PNPLA1: variants seen among roughly 807,000 people sequenced by gnomAD.
PNPLA1 encodes the protein patatin like domain 1, omega-hydroxyceramide transacylase, also known as omega-hydroxyceramide transacylase.
A neutral mutation model predicts 51.7 loss-of-function variants in PNPLA1; 36 were observed. The ratio of observed to expected loss-of-function variants is 0.70; its 90% confidence interval spans 0.53 to 0.92. The LOEUF (loss-of-function observed/expected upper bound fraction) is 0.92. Among genes scored for constraint, PNPLA1 ranks in the 40% least tolerant of loss-of-function variants. PNPLA1 has a pLI of 0.00. For synonymous variants in PNPLA1, 293 were observed against 280.1 expected (o/e 1.05, Z -0.46); for missense variants, 658 against 682.5 (o/e 0.96, Z 0.40).
At chr6:36,268,276 C>T (rs1204584127), upstream of PNPLA1, among the ~76,000 whole-genome samples, 2 of 152,138 alleles carry the variant, frequency 1.3e-5, no homozygotes, top group Admixed American at 6.5e-5. Flanking sequence ...ACAGACGTGC[C>T]GTGTGCCAGG....
intron 6 of PNPLA1, among the ~76,000 whole-genome samples, chr6:36,303,455 C>T (rs1288212331): frequency 6.6e-6 from 1 of 152,146 alleles, no homozygotes; most frequent in Non-Finnish European, 1.5e-5. Flanking sequence ...CACTATAGGG[C>T]CTGCAAAGAT....
At chr6:36,248,991 G>A (rs185942207) in intron 1 of PNPLA1, among the ~76,000 whole-genome samples, 20 of 152,364 alleles carry the variant, frequency 1.3e-4, no homozygotes, top group Admixed American at 1.3e-3. Context: ...GAGGCCAGGG[G>A]AGAGGTAACT....
rs888288077 is a variant in PNPLA1, at chr6:36,289,821, G to A, written c.206-1499G>A. ...CTGAAGCTTTTCTTACTCACCTCCA[G>A]GACTGGGGTGGAATAATCGGTAAAC... is the stretch of plus-strand genomic sequence containing the variant. On this transcript the variant is annotated intron_variant, in intron 1 of 8. Coordinates refer to ENST00000636260, the MANE Select transcript of PNPLA1 (RefSeq NM_001374623.1). Among the ~76,000 whole-genome samples, 5 of 152,166 alleles carry A rather than the reference G, an allele frequency of 3.3e-5. No homozygotes were observed. The South Asian group carries it at 1.0e-3, about 32-fold the overall frequency.
chr6:36,247,561 G>A (rs72848525), intron 1 of PNPLA1, among the ~76,000 whole-genome samples: 2,646 of 152,296 alleles, frequency 0.017, 30 homozygotes, highest in Non-Finnish European at 0.027. Context: ...GTGTATAGTC[G>A]ATGAATGAAT....
At chr6:36,244,150 T>C (rs1311416346) in intron 1 of PNPLA1, among the ~76,000 whole-genome samples, 1 of 151,970 alleles carries the variant, frequency 6.6e-6, no homozygotes, top group Non-Finnish European at 1.5e-5. Context: ...TCCTCCTCCT[T>C]CCTCTCTCTC....
In PNPLA1 at chr6:36,300,178, T is replaced by TGTGTGTGAGAGA; in HGVS notation, c.776-1682_776-1681insTGTGTGAGAGAG. 1.2e-3 allele frequency among the ~76,000 whole-genome samples: 121 copies of TGTGTGTGAGAGA among 98,070 alleles called. 1 individual carries two copies. The highest frequency in any genetic ancestry group is 2.8e-3 in the African/African-American group (85 of 30,108). 64.3% of individuals were successfully genotyped at this position (98,070 alleles called of 152,430 possible). A position where few individuals can be genotyped will look rare whatever the true frequency, so the allele number is the denominator to read the frequency against. On this transcript the variant is annotated intron_variant, in intron 5 of 8. Coordinates refer to ENST00000636260, the MANE Select transcript of PNPLA1 (RefSeq NM_001374623.1). ...TCTTATTCTTGTGTGTGTGTGTGTG[T>TGTGTGTGAGAGA]GAGAGAGAGAGAGAGAGAGAGAGAG...
intron 1 of PNPLA1, 63 bp downstream of exon 1, chr6:36,270,727 G>T (rs903272093): frequency 4.1e-5 from 63 of 1,521,348 alleles, no homozygotes; most frequent in Non-Finnish European, 5.1e-5. Context: ...GACAGAAGGA[G>T]CGTGAGGGAG....
In PNPLA1 at chr6:36,306,394, G is replaced by C; in HGVS notation, c.1469+18G>C. ...TATGTAACGTAAGTTTCCCCTTCGT[G>C]GAGCACGCTCTTTCCTTTGGACGGA... On this transcript the variant is annotated intron_variant, in intron 7 of 8. Coordinates refer to ENST00000636260, the MANE Select transcript of PNPLA1 (RefSeq NM_001374623.1). 1 of 1,596,796 alleles carries C rather than the reference G, an allele frequency of 6.3e-7. No individual in the cohort carries two copies. Among genetic ancestry groups the C allele is most frequent in the Non-Finnish European group, 8.6e-7 (1 of 1,169,490 alleles).
intron 2 of PNPLA1, 130 bp downstream of exon 2, chr6:36,291,682 C>A: frequency 1.3e-6 from 1 of 775,808 alleles, no homozygotes; most frequent in Non-Finnish European, 2.1e-6. Context: ...TTCCTTCATG[C>A]CCCCAGAGTC....
intron 1 of PNPLA1, among the ~76,000 whole-genome samples, chr6:36,287,105 C>G (rs145713140): frequency 6.6e-6 from 1 of 152,304 alleles, no homozygotes; most frequent in Admixed American, 6.5e-5. Context: ...CTGGGATGAT[C>G]TCGCCTTCAA....
chr6:36,268,215 C>T (rs112032443), upstream of PNPLA1, among the ~76,000 whole-genome samples: 14 of 152,318 alleles, frequency 9.2e-5, no homozygotes, highest in African/African-American at 3.4e-4. Context: ...CACCTTATCT[C>T]TGGGGTCTAT....
At chr6:36,305,508 T>C (rs928300184) in intron 6 of PNPLA1, among the ~76,000 whole-genome samples, 1 of 152,152 alleles carries the variant, frequency 6.6e-6, no homozygotes, top group African/African-American at 2.4e-5. Flanking sequence ...CCTTTATTTA[T>C]ATATAATACA....
At chr6:36,247,895 A>G (rs1254037243) in intron 1 of PNPLA1, among the ~76,000 whole-genome samples, 1 of 152,168 alleles carries the variant, frequency 6.6e-6, no homozygotes, top group Admixed American at 6.5e-5. Context: ...GATGGCTGTG[A>G]TTATCTGGGA....
intron 8 of PNPLA1, chr6:36,308,105 G>A (rs959190825): frequency 1.9e-5 from 3 of 155,566 alleles, no homozygotes; most frequent in Admixed American, 6.5e-5. Flanking sequence ...GGCCAGGCAT[G>A]GTGGCTCATG....
At position 36,247,004 on chromosome 6, in the gene PNPLA1, G is replaced by T. The variant is rs559458356; in HGVS notation, c.-81+3743G>T. ...TTTAGGATTTTAGCTCCCATCTCGC[G>T]TCCTCTCTCCAGCTCCTCCTGCCCC... On this transcript the variant is annotated intron_variant, in intron 1 of 7. Transcript: ENST00000312917. 9.2e-5 allele frequency among the ~76,000 whole-genome samples: 14 copies of T among 152,204 alleles called. No individual in the cohort carries two copies. The East Asian group carries it at 2.5e-3, about 27-fold the overall frequency.
chr6:36,279,144 G>C (rs1415342471), intron 1 of PNPLA1, among the ~76,000 whole-genome samples: 2 of 152,230 alleles, frequency 1.3e-5, no homozygotes, highest in African/African-American at 4.8e-5. Context: ...GAGATGGCTT[G>C]TCCCTCTGGA....
chr6:36,271,597 A>T (rs1478774382), intron 1 of PNPLA1, among the ~76,000 whole-genome samples: 1 of 152,268 alleles, frequency 6.6e-6, no homozygotes, highest in Non-Finnish European at 1.5e-5. Flanking sequence ...AGACTATTTC[A>T]GGAAGGTGGT....
At chr6:36,272,076 A>G (rs948377101) in intron 1 of PNPLA1, among the ~76,000 whole-genome samples, 4 of 152,212 alleles carry the variant, frequency 2.6e-5, no homozygotes, top group Admixed American at 2.6e-4. Context: ...TGGTTTCAGA[A>G]TGATTCAAGC....
chr6:36,267,918 AC>A (rs1421605765), upstream of PNPLA1, among the ~76,000 whole-genome samples: 3 of 151,526 alleles, frequency 2.0e-5, no homozygotes, highest in Admixed American at 1.3e-4. Context: ...ACTCCTCCCT[AC>A]CCCCAGGCTA....
Sources: gnomAD v4.1 joint callset for allele counts (sites outside exome capture counted in the v4.1 genomes callset) on GRCh38, gnomAD v4.1.1 for gene constraint, MANE v1.5 for transcripts, NCBI Gene and HGNC (gene_info 2026-07-23, HGNC 2026-07-21) for gene names.